AGRN: variants seen among roughly 807,000 people sequenced by gnomAD.
AGRN encodes agrin proteoglycan.
AGRN carries 106 observed loss-of-function variants against 211.0 expected under a neutral mutation model. The ratio of observed to expected loss-of-function variants is 0.50; its 90% CI spans 0.43 to 0.59. The LOEUF is 0.59. Ranked by LOEUF, AGRN falls within the 20% of genes least tolerant of loss-of-function variation. The pLI is 0.00. For missense variants in AGRN, 3,040 were observed against 2,982.6 expected, an observed-to-expected ratio of 1.02 and a Z score of -0.45; for synonymous variants, 1,525 against 1,332.5, an observed-to-expected ratio of 1.14 and a Z score of -3.15.
At position 1,048,792 on chromosome 1, in the gene AGRN, A is replaced by AG; in HGVS notation, c.4106-70dup. ...CAAAAAAAAAAAAAAAAAAAAAAGC[A>AG]GGGGGCGGTTTCAGGGATAAAAGTG... is the stretch of plus-strand genomic sequence containing the variant. On this transcript the variant is annotated intron_variant, in intron 23 of 35. Coordinates refer to ENST00000379370, the MANE Select transcript of AGRN (RefSeq NM_198576.4). The surrounding 1 kb of genome is among the most constrained non-coding windows in gnomAD (Gnocchi z 5.9). The AG allele has an allele frequency of 5.0e-6, 1 of 201,616 alleles. No homozygotes were observed. The highest frequency in any genetic ancestry group is 7.4e-6 in the Non-Finnish European group (1 of 135,102). The allele number at this position is 201,616 out of a possible 1,614,324, so 12.5% of individuals were successfully genotyped here.
chr1:1,047,046 G>T, intron 19 of AGRN, 89 bp downstream of exon 19: 1 of 1,531,874 alleles, frequency 6.5e-7, no homozygotes, highest in Non-Finnish European at 8.8e-7. Context: ...GGTCAGTGCC[G>T]GGGGTTATGG....
At position 1,050,022 on chromosome 1, in the gene AGRN, A is replaced by G; in HGVS notation, c.4864A>G (p.Thr1622Ala). The change falls in exon 27 of 36, where the codon ACC becomes GCC. Residue 1622 changes from threonine to alanine, a missense_variant. Thr to Ala is a moderately conservative substitution (Grantham distance 58). Coordinates refer to ENST00000379370, the MANE Select transcript of AGRN (RefSeq NM_198576.4). The part of the protein sequence containing the change: ...QCECPLGREG[T>A]FCQTASGQDG... Reference sequence around the variant, plus strand: ...CGAGTGCCCCCTGGGGCGTGAGGGCACCTTCTGCCAGACAGGTCGGGGGCG... The same window carrying G: ...CGAGTGCCCCCTGGGGCGTGAGGGCGCCTTCTGCCAGACAGGTCGGGGGCG... 2.0e-6 allele frequency: 3 copies of G among 1,484,460 alleles called. No homozygotes were observed. The highest frequency in any genetic ancestry group is 2.7e-6 in the Non-Finnish European group (3 of 1,107,602). 92.0% of individuals were successfully genotyped at this position (1,484,460 alleles called of 1,614,324 possible).
Position 1,049,022 on chromosome 1 carries a change from C to A in AGRN, c.4261C>A (p.Leu1421Met). The A allele has an allele frequency of 6.3e-7, 1 of 1,575,708 alleles. No individual in the cohort carries two copies. The highest frequency in any genetic ancestry group is 8.6e-7 in the Non-Finnish European group (1 of 1,163,358). Residue 1421 changes from leucine to methionine, a missense_variant, in exon 24 of 36, where the codon CTG becomes ATG. By Grantham distance (15) the Leu-to-Met change is conservative (BLOSUM62 2). Around this residue, in one of 3 missense-constraint regions of AGRN, gnomAD observed 1,537 missense variants for 1,505.0 expected, o/e 1.02. Transcript: ENST00000379370. ...TGGCAACGCCCGGGGCAAGGACTTC[C>A]TGGCATTGGCGCTGCTAGATGGCCG... Reference protein sequence around the residue: ...YNGNARGKDFLALALLDGRVQ... With the variant: ...YNGNARGKDFMALALLDGRVQ...
At chr1:1,035,132 TG>T in intron 2 of AGRN, 144 bp from the exon 3 acceptor site, 1 of 914,882 alleles carries the variant, frequency 1.1e-6, no homozygotes, top group Non-Finnish European at 1.7e-6. Context: ...GGGTCAGGGC[TG>T]GACCCTTCAG....
chr1:1,022,275 G>A lies in AGRN; in HGVS notation c.276G>A (p.Val92=). Residue 92 remains valine, a synonymous_variant, in exon 2 of 36, where the codon GTG becomes GTA. Transcript: ENST00000379370. ...RESLLDGGNK[V]VISGFGDPLI... is the part of the protein sequence containing the mutation. ...GCCTGCTGGACGGCGGCAACAAGGTGGTGATCAGCGGCTTTGGAGACCCCC... is the reference window on the plus strand; with the variant it reads ...GCCTGCTGGACGGCGGCAACAAGGTAGTGATCAGCGGCTTTGGAGACCCCC... The A allele has an allele frequency of 3.7e-6, 6 of 1,613,312 alleles. No homozygotes were observed. Among genetic ancestry groups the A allele is most frequent in the Non-Finnish European group, 5.1e-6 (6 of 1,180,020 alleles).
intron 1 of AGRN, among the ~76,000 whole-genome samples, chr1:1,021,890 A>T (rs969543335): frequency 1.3e-5 from 2 of 152,028 alleles, no homozygotes; most frequent in Admixed American, 1.3e-4. Context: ...ACCCCAAGCC[A>T]GGTGGGCCCC....
chr1:1,020,427 AC>A, intron 1 of AGRN, 54 bp downstream of exon 1: 4 of 1,463,200 alleles, frequency 2.7e-6, no homozygotes, highest in Non-Finnish European at 2.7e-6. Flanking sequence ...CCCCGCCGGG[AC>A]CCCCGCCCCA....
chr1:1,053,074 CACATGCATGTGTGT>C (rs1231098577), intron 33 of AGRN: 1 of 214,086 alleles, frequency 4.7e-6, no homozygotes, highest in East Asian at 1.4e-4. Context: ...CGTGCATGCA[CACATGCATGTGTGT>C]ACTGGGGCAT....
Position 1,046,544 on chromosome 1 carries a change from C to G in AGRN, c.3059C>G (p.Pro1020Arg). 6.2e-7 allele frequency: 1 copy of G among 1,610,604 alleles called. No individual in the cohort carries two copies. Among genetic ancestry groups the G allele is most frequent in the East Asian group, 2.2e-5 (1 of 44,810 alleles). Residue 1020 changes from proline (P) to arginine (R), a missense_variant, in exon 18 of 36, where the codon CCC (proline) becomes CGC (arginine). Transcript: ENST00000379370. ...STAHSQTTPP[P>R]SSRPRTTASV... Reference sequence around the variant, plus strand: ...GCACACAGCCAGACCACCCCTCCGCCCTCATCACGACCTCGGACCACTGCC... The same window carrying G: ...GCACACAGCCAGACCACCCCTCCGCGCTCATCACGACCTCGGACCACTGCC...
intron 2 of AGRN, among the ~76,000 whole-genome samples, chr1:1,030,009 G>C (rs1644622515): frequency 9.2e-6 from 1 of 108,194 alleles, no homozygotes; most frequent in Non-Finnish European, 1.8e-5. Flanking sequence ...AGTGCATGGT[G>C]CTGTGAGATC....
intron 3 of AGRN, among the ~76,000 whole-genome samples, chr1:1,036,452 C>T (rs1403778625): frequency 5.3e-5 from 8 of 152,232 alleles, no homozygotes; most frequent in East Asian, 1.9e-4. Flanking sequence ...CTTCCTCGAC[C>T]GCCTGCCAGG....
At chr1:1,054,671 T>G (rs1645403831) in intron 35 of AGRN, 120 bp downstream of exon 35, 26 of 1,485,004 alleles carry the variant, frequency 1.8e-5, no homozygotes, top group Non-Finnish European at 2.3e-5. Context: ...CGGGCTGGGC[T>G]CTCTTCTCCC....
At chr1:1,054,029 T>G (rs1270971242) in intron 34 of AGRN, 52 bp downstream of exon 34, 1 of 1,527,806 alleles carries the variant, frequency 6.5e-7, no homozygotes, top group Non-Finnish European at 8.9e-7. Flanking sequence ...TGCCCAGACT[T>G]GCCCAGCTGG....
Position 1,047,870 on chromosome 1 carries a change from G to A in AGRN, c.3726G>A (p.Gln1242=). The change falls in exon 22 of 36, where the codon CAG becomes CAA. Residue 1242 remains glutamine, a synonymous_variant. Coordinates refer to ENST00000379370, the MANE Select transcript of AGRN (RefSeq NM_198576.4). Reference sequence around the variant, plus strand: ...CCTTGGGGGTGAGGCGGCCGCTGCAGGAGCACGTGCGATTTATGGACTTTG... The same window carrying A: ...CCTTGGGGGTGAGGCGGCCGCTGCAAGAGCACGTGCGATTTATGGACTTTG... ...RRSLGVRRPL[Q]EHVRFMDFDW... 3 of 1,606,178 alleles carry A rather than the reference G, an allele frequency of 1.9e-6. No individual in the cohort carries two copies. The highest frequency in any genetic ancestry group is 2.5e-6 in the Non-Finnish European group (3 of 1,177,300).
chr1:1,049,140 C>T, intron 24 of AGRN, 81 bp downstream of exon 24: 1 of 504,746 alleles, frequency 2.0e-6, no homozygotes, highest in Non-Finnish European at 2.7e-6. Flanking sequence ...CGGGGCAGCT[C>T]AGGTGGGTGG....
At chr1:1,051,158 CA>C in intron 30 of AGRN, 94 bp from the exon 31 acceptor site, 1 of 763,730 alleles carries the variant, frequency 1.3e-6, no homozygotes, top group Non-Finnish European at 2.2e-6. Flanking sequence ...CCTAGATAGG[CA>C]ATGGGCGGGT....
At chr1:1,045,577 C>G (rs529722858) in intron 14 of AGRN, 54 bp downstream of exon 14, 14 of 1,599,774 alleles carry the variant, frequency 8.8e-6, no homozygotes, top group South Asian at 1.1e-5. Flanking sequence ...ACCTGTTCAC[C>G]CCCATCACTG....
intron 7 of AGRN, 82 bp downstream of exon 7, chr1:1,042,244 C>T (rs1644965224): frequency 3.4e-6 from 5 of 1,457,158 alleles, no homozygotes; most frequent in South Asian, 2.6e-5. Context: ...CCATCTTCAT[C>T]CATCATGTTC....
At position 1,040,717 on chromosome 1, in the gene AGRN, G is replaced by GGGGCC. The variant is rs1570190059; in HGVS notation, c.574_578dup (p.Ser194GlyfsTer60). On this transcript the variant is annotated frameshift_variant, in exon 4 of 36. Transcript: ENST00000379370. LOFTEE classifies it high-confidence loss of function. ...GCGCCGTGTGCGAGCCCAACGCGGA[G>GGGGCC]GGGCCGGGCCGGGCGTCCTGCGTCT... 4 of 1,547,294 alleles carry GGGGCC rather than the reference G, an allele frequency of 2.6e-6. No homozygotes were observed. The highest frequency in any genetic ancestry group is 2.4e-5 in the East Asian group (1 of 40,982).
Sources: allele counts gnomAD v4.1 joint callset (sites outside exome capture counted in the v4.1 genomes callset), GRCh38; gene constraint gnomAD v4.1.1; regional missense constraint gnomAD v4.1.1; non-coding constraint Gnocchi (gnomAD v3.1); transcripts MANE v1.5; gene names NCBI Gene and HGNC (gene_info 2026-07-23, HGNC 2026-07-21).